The following FSTL5 variants were observed in gnomAD, a reference collection of about 807,000 sequenced individuals.
FSTL5 encodes the protein follistatin like 5, also known as follistatin-related protein 5.
FSTL5 carries 62 observed loss-of-function variants against 89.1 expected under a neutral mutation model. That is an observed-to-expected ratio of 0.70 (90% confidence interval 0.57 to 0.86). FSTL5 has a LOEUF of 0.86. Among genes scored for constraint, FSTL5 ranks in the 40% least tolerant of loss-of-function variants. The pLI, the probability that FSTL5 is intolerant of heterozygous loss-of-function variation, is 0.00. For synonymous variants in FSTL5, 383 were observed against 346.2 expected (o/e 1.11, Z -1.18); for missense variants, 1,057 against 1,001.6 (o/e 1.06, Z -0.75).
At chr4:161,703,129 A>C (rs1229017284) in intron 6 of FSTL5, among the ~76,000 whole-genome samples, 1 of 152,070 alleles carries the variant, frequency 6.6e-6, no homozygotes, top group Non-Finnish European at 1.5e-5. Flanking sequence ...CCTCAGGAGA[A>C]ACCAAACCTA....
intron 9 of FSTL5, among the ~76,000 whole-genome samples, chr4:161,542,241 A>G (rs986984594): frequency 2.0e-5 from 3 of 152,044 alleles, no homozygotes; most frequent in Non-Finnish European, 4.4e-5. Flanking sequence ...TGCTCAGCAT[A>G]ACTGCTATAA....
intron 7 of FSTL5, among the ~76,000 whole-genome samples, chr4:161,630,103 C>G (rs1238853048): frequency 1.3e-5 from 2 of 152,158 alleles, no homozygotes; most frequent in African/African-American, 4.8e-5. Flanking sequence ...TCTTTCCTAG[C>G]CCTTACTCCT....
At chr4:161,983,335 A>G (rs1319693637) in intron 3 of FSTL5, among the ~76,000 whole-genome samples, 1 of 152,158 alleles carries the variant, frequency 6.6e-6, no homozygotes, top group African/African-American at 2.4e-5. Context: ...GAGGCAGCCA[A>G]GACAGCAAAA....
chr4:161,528,055 A>G (rs1366678977), intron 10 of FSTL5, among the ~76,000 whole-genome samples: 4 of 150,822 alleles, frequency 2.7e-5, no homozygotes, highest in African/African-American at 9.8e-5. Context: ...ACAAAAAACC[A>G]AACACGGCAT....
At chr4:161,749,330 C>T (rs530741256) in intron 6 of FSTL5, among the ~76,000 whole-genome samples, 3 of 152,196 alleles carry the variant, frequency 2.0e-5, no homozygotes, top group Non-Finnish European at 2.9e-5. Flanking sequence ...ACATATATAC[C>T]GTGAAATACT....
chr4:161,540,491 C>T (rs1731782225), intron 9 of FSTL5, among the ~76,000 whole-genome samples: 1 of 152,038 alleles, frequency 6.6e-6, no homozygotes, highest in Non-Finnish European at 1.5e-5. Context: ...CTTTCTGTTC[C>T]TAGTTTCACC....
chr4:161,686,526 T>A (rs1056180095), intron 6 of FSTL5, among the ~76,000 whole-genome samples: 5 of 150,472 alleles, frequency 3.3e-5, no homozygotes, highest in African/African-American at 7.3e-5. Flanking sequence ...GCCCAGCTAA[T>A]TTTTTTGGTA....
intron 6 of FSTL5, among the ~76,000 whole-genome samples, chr4:161,695,453 G>GTGTGTGTGTGTGTGTT (rs769170988): frequency 7.4e-6 from 1 of 134,966 alleles, no homozygotes; most frequent in Non-Finnish European, 1.5e-5. Flanking sequence ...GTGTGTGTGT[G>GTGTGTGTGTGTGTGTT]TATATATATC....
intron 4 of FSTL5, among the ~76,000 whole-genome samples, chr4:161,860,241 T>C (rs1441075095): frequency 1.3e-5 from 2 of 151,854 alleles, no homozygotes. Context: ...TGAGAGGAGA[T>C]CGCGCCACTG....
intron 3 of FSTL5, among the ~76,000 whole-genome samples, chr4:161,937,155 A>G (rs1734455901): frequency 6.6e-6 from 1 of 152,168 alleles, no homozygotes. Context: ...AAAACACAAC[A>G]TAACAAAACC....
intron 1 of FSTL5, among the ~76,000 whole-genome samples, chr4:162,126,586 ATAATC>A (rs1226991308): frequency 6.6e-6 from 1 of 152,140 alleles, no homozygotes; most frequent in Non-Finnish European, 1.5e-5. Context: ...TCTAATGTGT[ATAATC>A]TAATGTGTAG....
chr4:161,457,719 A>G (rs964284052), intron 14 of FSTL5, among the ~76,000 whole-genome samples: 4 of 152,138 alleles, frequency 2.6e-5, no homozygotes, highest in Admixed American at 1.3e-4. Context: ...AAAATAATTT[A>G]TAAGAATATT....
In FSTL5 at chr4:162,111,431, CA is replaced by C; in HGVS notation, c.-16-20del. ...TTTTCACCTGTCAAAATTAAAATTG[CA>C]AGGAATCAGAGAAAATGAATTATAT... is the stretch of plus-strand genomic sequence containing the variant. On this transcript the variant is annotated intron_variant, in intron 1 of 15. Coordinates refer to ENST00000306100, the MANE Select transcript of FSTL5 (RefSeq NM_020116.5). 1 of 1,567,928 alleles carries C rather than the reference CA, an allele frequency of 6.4e-7. No individual in the cohort carries two copies. Among genetic ancestry groups the C allele is most frequent in the Admixed American group, 1.7e-5 (1 of 57,624 alleles).
chr4:161,593,051 C>A (rs1037436726), intron 7 of FSTL5, among the ~76,000 whole-genome samples: 1 of 152,028 alleles, frequency 6.6e-6, no homozygotes, highest in African/African-American at 2.4e-5. Flanking sequence ...TGCCCTTTCC[C>A]AATTTTAATT....
At chr4:162,113,440 G>A (rs1371236704) in intron 1 of FSTL5, among the ~76,000 whole-genome samples, 4 of 151,998 alleles carry the variant, frequency 2.6e-5, no homozygotes, top group Admixed American at 6.6e-5. Flanking sequence ...CCACATCCTC[G>A]CTAGTCTTCC....
intron 15 of FSTL5, among the ~76,000 whole-genome samples, chr4:161,400,314 G>C (rs898738959): frequency 1.3e-5 from 2 of 151,978 alleles, no homozygotes; most frequent in Admixed American, 6.6e-5. Context: ...AAATAGTTGA[G>C]TAGATAGAAA....
intron 8 of FSTL5, among the ~76,000 whole-genome samples, chr4:161,567,721 A>G (rs1412549539): frequency 2.2e-4 from 33 of 152,174 alleles, no homozygotes; most frequent in Admixed American, 2.1e-3. Flanking sequence ...TTTAAGTCTA[A>G]GTCAATCATA....
chr4:161,992,871 T>A (rs866431896), intron 3 of FSTL5, among the ~76,000 whole-genome samples: 7,003 of 49,102 alleles, frequency 0.14, 446 homozygotes, highest in Admixed American at 0.16. Context: ...AATATATATA[T>A]ATATATATAT....
chr4:162,032,228 T>C (rs1737556542), intron 3 of FSTL5, among the ~76,000 whole-genome samples: 1 of 152,132 alleles, frequency 6.6e-6, no homozygotes, highest in Admixed American at 6.6e-5. Context: ...AGAATACAAA[T>C]ATGATTTAAG....
Sources: gnomAD v4.1 joint callset for allele counts (sites outside exome capture counted in the v4.1 genomes callset) on GRCh38, gnomAD v4.1.1 for gene constraint, MANE v1.5 for transcripts, NCBI Gene and HGNC (gene_info 2026-07-23, HGNC 2026-07-21) for gene names.